Variants in FSIP2 observed in about 807,000 individuals in gnomAD.
FSIP2 encodes fibrous sheath-interacting protein 2.
Under a neutral mutation model 510.5 loss-of-function variants are expected in FSIP2, and 367 were observed. The ratio of observed to expected loss-of-function variants is 0.72; its 90% CI spans 0.66 to 0.78. The LOEUF (loss-of-function observed/expected upper bound fraction) is 0.78, where lower values mean the gene tolerates loss of function less well. FSIP2 is among the 30% of genes least tolerant of loss of function. The pLI, the probability that FSIP2 is intolerant of heterozygous loss-of-function variation, is 0.00. For synonymous variants in FSIP2, 2,601 were observed against 2,732.2 expected (o/e 0.95, Z 1.50); for missense variants, 7,594 against 7,901.7 (o/e 0.96, Z 1.48).
chr2:185,779,439 T>C (rs1334336139), intron 13 of FSIP2, among the ~76,000 whole-genome samples: 1 of 152,106 alleles, frequency 6.6e-6, no homozygotes, highest in Non-Finnish European at 1.5e-5. Flanking sequence ...GATATAAGCA[T>C]ACAATGTATA....
In FSIP2 at chr2:185,761,425, T is replaced by C. The variant is rs557555724; in HGVS notation, c.1194+322T>C. ...GAAGGAAAACAATAATTGGGTAATATAAGATAAATTAAATATAAGAAATTG... is the reference window on the plus strand; with the variant it reads ...GAAGGAAAACAATAATTGGGTAATACAAGATAAATTAAATATAAGAAATTG... On this transcript the variant is annotated intron_variant, in intron 10 of 22. Coordinates refer to ENST00000424728, the MANE Select transcript of FSIP2 (RefSeq NM_173651.4). 7.7e-4 allele frequency among the ~76,000 whole-genome samples: 116 copies of C among 151,254 alleles called. 1 individual carries two copies. The highest frequency in any genetic ancestry group is 2.7e-3 in the African/African-American group (112 of 41,430).
chr2:185,773,787 A>C (rs1413027882), intron 13 of FSIP2, among the ~76,000 whole-genome samples: 3 of 152,040 alleles, frequency 2.0e-5, no homozygotes, highest in African/African-American at 7.2e-5. Context: ...TTTCCTAGCT[A>C]TATCTCTTCT....
intron 19 of FSIP2, among the ~76,000 whole-genome samples, chr2:185,819,954 A>T (rs1693885076): frequency 6.6e-6 from 1 of 151,990 alleles, no homozygotes; most frequent in Admixed American, 6.6e-5. Context: ...ATACTAACAG[A>T]TTGAAGAGGA....
chr2:185,833,063 C>A lies in FSIP2; in HGVS notation c.20588-27C>A, dbSNP rs758681532. Reference sequence around the variant, plus strand: ...CCTCAGTGTTCAAAAATAAAGATATCATTCTTCTTGTTTACTTTGTCCACA... The same window carrying A: ...CCTCAGTGTTCAAAAATAAAGATATAATTCTTCTTGTTTACTTTGTCCACA... On this transcript the variant is annotated intron_variant, in intron 22 of 22. Coordinates refer to ENST00000424728, the MANE Select transcript of FSIP2 (RefSeq NM_173651.4). 9 of 1,604,598 alleles carry A rather than the reference C, an allele frequency of 5.6e-6. No homozygotes were observed. The Admixed American group carries it at 1.5e-4, about 27-fold the overall frequency.
rs1426378087 is a variant in FSIP2, at chr2:185,759,650, A to ATATATAT, written c.1079-1326_1079-1320dup. Reference sequence around the variant, plus strand: ...AATATTAATAATATTGTTATATATTATATATATTATATATTATACATAATA... The same window carrying ATATATAT: ...AATATTAATAATATTGTTATATATTATATATATTATATATTATATATTATACATAATA... On this transcript the variant is annotated intron_variant, in intron 9 of 22. Transcript: ENST00000424728. Among the ~76,000 whole-genome samples the ATATATAT allele has an allele frequency of 5.5e-5, 8 of 146,056 alleles. No individual in the cohort carries two copies. The East Asian group carries it at 1.6e-3, about 29-fold the overall frequency.
In FSIP2 at chr2:185,792,196, T is replaced by C. The variant is rs189613387; in HGVS notation, c.5060T>C (p.Leu1687Ser). Residue 1687 changes from leucine to serine, a missense_variant, in exon 16 of 23, where the codon TTA (leucine) becomes TCA (serine). Physicochemically the swap from Leu to Ser is moderately radical, Grantham distance 145. Transcript: ENST00000424728. Reference sequence around the variant, plus strand: ...CTTAAGTATGTAGTCAAGTTAATTTTAGATGCAGTATCTTCCGATATGTTT... The same window carrying C: ...CTTAAGTATGTAGTCAAGTTAATTTCAGATGCAGTATCTTCCGATATGTTT... ...QILKYVVKLI[L>S]DAVSSDMFNE... is the part of the protein sequence containing the mutation. 39 of 1,532,232 alleles carry C rather than the reference T, an allele frequency of 2.5e-5. No individual in the cohort carries two copies. Among genetic ancestry groups the C allele is most frequent in the Non-Finnish European group, 3.1e-5 (35 of 1,144,680 alleles). 94.9% of individuals were successfully genotyped at this position (1,532,232 alleles called of 1,614,324 possible). A position where few individuals can be genotyped will look rare whatever the true frequency, so the allele number is the denominator to read the frequency against.
At chr2:185,813,413 T>A (rs1462619840) in intron 17 of FSIP2, 132 bp from the exon 18 acceptor site, 4 of 489,326 alleles carry the variant, frequency 8.2e-6, no homozygotes, top group Non-Finnish European at 1.0e-5. Context: ...TGCTAATATA[T>A]AATTAAGTGA....
rs367956482 is a variant in FSIP2, at chr2:185,809,105, C to A, written c.19799C>A (p.Thr6600Asn). The A allele has an allele frequency of 1.9e-6, 3 of 1,577,154 alleles. No individual in the cohort carries two copies. The African/African-American group carries it at 4.1e-5, about 22-fold the overall frequency. ...GAAAGACGTACCTCATTGGATAAGA[C>A]TGGAAGACTGGATGTAAAACCCCTA... ...KTERRTSLDK[T>N]GRLDVKPLEA... Residue 6600 changes from threonine to asparagine, a missense_variant, in exon 17 of 23, where the codon ACT becomes AAT. Thr to Asn is a moderately conservative substitution (Grantham distance 65). Transcript: ENST00000424728.
At chr2:185,816,733 C>T (rs1693832395) in intron 19 of FSIP2, among the ~76,000 whole-genome samples, 2 of 151,216 alleles carry the variant, frequency 1.3e-5, no homozygotes, top group Non-Finnish European at 1.5e-5. Context: ...TCATGTGCAC[C>T]TAGTCCTAGC....
In FSIP2 at chr2:185,806,859, G is replaced by A; in HGVS notation, c.17553G>A (p.Lys5851=). 6.2e-7 allele frequency: 1 copy of A among 1,608,892 alleles called. No homozygotes were observed. Among genetic ancestry groups the A allele is most frequent in the Non-Finnish European group, 8.5e-7 (1 of 1,178,002 alleles). The change falls in exon 17 of 23, where the codon AAG becomes AAA. Residue 5851 remains lysine, a synonymous_variant. Coordinates refer to ENST00000424728, the MANE Select transcript of FSIP2 (RefSeq NM_173651.4). The stretch of plus-strand genomic sequence containing the variant: ...AAATTAAGGTTTTCAGGCCAGATAA[G>A]GGAAATCAGTTCCCTGGGGGTAAAG... ...DAQIKVFRPD[K]GNQFPGGKVS...
rs1692046122 is a variant in FSIP2, at chr2:185,746,905, C to T, written c.759+95C>T. The T allele has an allele frequency of 3.6e-6, 3 of 822,496 alleles. No individual in the cohort carries two copies. The East Asian group carries it at 8.2e-5, about 22-fold the overall frequency. The allele number at this position is 822,496 out of a possible 1,614,324, so 50.9% of individuals were successfully genotyped here. On this transcript the variant is annotated intron_variant, in intron 6 of 22. Coordinates refer to ENST00000424728, the MANE Select transcript of FSIP2 (RefSeq NM_173651.4). ...AACTGTACATTGTGCTGCTTGAAGT[C>T]ATTTCAGTTCAAAATAATTTGTTAC...
At chr2:185,785,538 AAAAT>A (rs1361285145) in intron 14 of FSIP2, among the ~76,000 whole-genome samples, 1 of 151,762 alleles carries the variant, frequency 6.6e-6, no homozygotes, top group East Asian at 1.9e-4. Context: ...AAAATATACA[AAAAT>A]AAATCAGACT....
intron 7 of FSIP2, among the ~76,000 whole-genome samples, chr2:185,750,487 T>C (rs1323153952): frequency 6.6e-6 from 1 of 151,498 alleles, no homozygotes; most frequent in Non-Finnish European, 1.5e-5. Context: ...GATATGGTAA[T>C]TTGTAACTTC....
Position 185,789,817 on chromosome 2 carries a change from A to G in FSIP2, c.2681A>G (p.Asn894Ser), listed in dbSNP as rs1248249415. The G allele has an allele frequency of 2.0e-6, 3 of 1,533,132 alleles. No individual in the cohort carries two copies. Among genetic ancestry groups the G allele is most frequent in the Non-Finnish European group, 2.6e-6 (3 of 1,144,878 alleles). 95.0% of individuals were successfully genotyped at this position (1,533,132 alleles called of 1,614,324 possible). The change falls in exon 16 of 23, where the codon AAT becomes AGT. Residue 894 changes from asparagine (N) to serine (S), a missense_variant. By Grantham distance (46) the Asn-to-Ser change is conservative (BLOSUM62 1). Transcript: ENST00000424728. The stretch of plus-strand genomic sequence containing the variant: ...GAAGAAGTACAAAATTTAATATCAA[A>G]TATTTTTTCCCAGTCTTCTTTGGTT... ...VNEEVQNLISNIFSQSSLVAY... is the reference protein window; with the variant it reads ...VNEEVQNLISSIFSQSSLVAY...
At chr2:185,753,526 A>C (rs2887761) in intron 7 of FSIP2, among the ~76,000 whole-genome samples, 196 bp from the exon 8 acceptor site, 1 of 151,078 alleles carries the variant, frequency 6.6e-6, no homozygotes, top group African/African-American at 2.4e-5. Flanking sequence ...GGTAAATTGC[A>C]TACATGTTAA....
chr2:185,798,389 ATCTT>A (rs905986480), intron 16 of FSIP2, among the ~76,000 whole-genome samples: 1 of 151,996 alleles, frequency 6.6e-6, no homozygotes, highest in South Asian at 2.1e-4. Flanking sequence ...TATTTGCATT[ATCTT>A]TCTAAGTATA....
At position 185,799,888 on chromosome 2, in the gene FSIP2, T is replaced by C; in HGVS notation, c.10582T>C (p.Trp3528Arg). 1 of 1,533,684 alleles carries C rather than the reference T, an allele frequency of 6.5e-7. No individual in the cohort carries two copies. Residue 3528 changes from tryptophan to arginine, a missense_variant, in exon 17 of 23, where the codon TGG becomes CGG. Coordinates refer to ENST00000424728, the MANE Select transcript of FSIP2 (RefSeq NM_173651.4). ...AAAGGGTAGAGAAAAAGAGAAAGCA[T>C]GGGAAATTCAAGAAGCAACATTTAG... ...TKKGREKEKA[W>R]EIQEATFSKI... is the part of the protein sequence containing the mutation.
At chr2:185,810,022 A>G (rs1455287664) in intron 17 of FSIP2, among the ~76,000 whole-genome samples, 1 of 152,096 alleles carries the variant, frequency 6.6e-6, no homozygotes, top group Non-Finnish European at 1.5e-5. Context: ...AGGGCTGAGT[A>G]TGCTTAGGCA....
At chr2:185,757,588 G>A (rs1046652162) in intron 9 of FSIP2, among the ~76,000 whole-genome samples, 1 of 151,188 alleles carries the variant, frequency 6.6e-6, no homozygotes, top group African/African-American at 2.4e-5. Flanking sequence ...ACCATAATCA[G>A]GTCTTCCTGG....
Sources: allele counts gnomAD v4.1 joint callset (sites outside exome capture counted in the v4.1 genomes callset), GRCh38; gene constraint gnomAD v4.1.1; transcripts MANE v1.5; gene names NCBI Gene and HGNC (gene_info 2026-07-23, HGNC 2026-07-21).